Variants in ESR1 observed in about 807,000 individuals in gnomAD.
ESR1 encodes estrogen receptor.
A neutral mutation model predicts 52.7 loss-of-function variants in ESR1; 12 were observed. That is an observed-to-expected ratio of 0.23 (90% CI 0.15 to 0.37). ESR1 has a LOEUF of 0.37. ESR1 is among the 10% of genes least tolerant of loss of function. ESR1 has a pLI of 1.00. For synonymous variants in ESR1, 305 were observed against 316.8 expected (o/e 0.96, Z 0.39); for missense variants, 584 against 779.7 (o/e 0.75, Z 2.99).
At chr6:152,032,229 A>G (rs1373622062) in intron 5 of ESR1, among the ~76,000 whole-genome samples, 1 of 152,242 alleles carries the variant, frequency 6.6e-6, no homozygotes, top group Non-Finnish European at 1.5e-5. Flanking sequence ...GAAAACTGGC[A>G]CAAGACAGGG....
chr6:151,997,057 T>TCCTA (rs1336111266), intron 4 of ESR1, among the ~76,000 whole-genome samples: 1 of 151,332 alleles, frequency 6.6e-6, no homozygotes, highest in Non-Finnish European at 1.5e-5. Flanking sequence ...TAAGTAGACT[T>TCCTA]CCTAGTCCTG....
intron 4 of ESR1, among the ~76,000 whole-genome samples, chr6:151,964,017 C>T (rs2982689): frequency 0.81 from 123,281 of 152,092 alleles, 50,303 homozygotes; most frequent in Middle Eastern, 0.9. Flanking sequence ...CTAATCTGTT[C>T]CATTAATTCA....
At chr6:152,009,361 A>G (rs1229420856) in intron 4 of ESR1, among the ~76,000 whole-genome samples, 1 of 152,120 alleles carries the variant, frequency 6.6e-6, no homozygotes, top group East Asian at 1.9e-4. Flanking sequence ...TGATGGAATC[A>G]TGCATCTTGT....
chr6:152,021,839 A>G (rs549571961), intron 5 of ESR1, among the ~76,000 whole-genome samples: 6 of 152,216 alleles, frequency 3.9e-5, no homozygotes, highest in Admixed American at 3.3e-4. Flanking sequence ...TGATGGTTTT[A>G]TAAGGGGTTT....
At chr6:151,886,107 T>G (rs531599480) in intron 3 of ESR1, among the ~76,000 whole-genome samples, 1 of 152,274 alleles carries the variant, frequency 6.6e-6, no homozygotes, top group Admixed American at 6.5e-5. Context: ...TATAAATTTC[T>G]AATTTCTTTG....
At chr6:152,008,860 T>C (rs987344160) in intron 4 of ESR1, among the ~76,000 whole-genome samples, 2 of 152,044 alleles carry the variant, frequency 1.3e-5, no homozygotes, top group African/African-American at 4.8e-5. Context: ...AGACTTAACC[T>C]AAAAAATTGG....
At chr6:151,750,297 G>C (rs1359325223) in intron 2 of ESR1, among the ~76,000 whole-genome samples, 1 of 152,128 alleles carries the variant, frequency 6.6e-6, no homozygotes, top group African/African-American at 2.4e-5. Flanking sequence ...AAAGTTATTT[G>C]TGTTACTGTC....
chr6:151,804,805 G>A (rs983665296), upstream of ESR1: 1 of 152,200 alleles, frequency 6.6e-6, no homozygotes, highest in African/African-American at 2.4e-5. Flanking sequence ...CCTCCATTGG[G>A]TGTCATGTGT....
intron 2 of ESR1, among the ~76,000 whole-genome samples, chr6:151,850,028 T>TTATA (rs528956459): frequency 7.1e-5 from 8 of 112,802 alleles, no homozygotes; most frequent in African/African-American, 2.4e-4. Context: ...ATATACAAAA[T>TTATA]TATATATATA....
intron 5 of ESR1, among the ~76,000 whole-genome samples, chr6:152,058,125 C>T (rs750571225): frequency 6.6e-6 from 1 of 152,082 alleles, no homozygotes; most frequent in Non-Finnish European, 1.5e-5. Flanking sequence ...TCTATTTTGG[C>T]TATGAGTTGT....
chr6:151,877,286 C>T (rs1792009107), intron 2 of ESR1, among the ~76,000 whole-genome samples: 2 of 152,060 alleles, frequency 1.3e-5, no homozygotes, highest in Admixed American at 1.3e-4. Context: ...TTTAATAACA[C>T]ATATTGACCA....
intron 2 of ESR1, among the ~76,000 whole-genome samples, chr6:151,718,125 A>G (rs1274111081): frequency 1.3e-5 from 2 of 152,248 alleles, no homozygotes; most frequent in African/African-American, 2.4e-5. Flanking sequence ...TATTTGAAAA[A>G]TATATGAAAA....
chr6:152,082,509 C>T (rs10872682), intron 6 of ESR1, among the ~76,000 whole-genome samples: 32,092 of 152,100 alleles, frequency 0.21, 4,776 homozygotes, highest in African/African-American at 0.41. Flanking sequence ...CAATATCATA[C>T]TGAATGGGCA....
chr6:151,974,609 C>T (rs1584576849), intron 4 of ESR1, among the ~76,000 whole-genome samples: 1 of 152,194 alleles, frequency 6.6e-6, no homozygotes, highest in African/African-American at 2.4e-5. Flanking sequence ...AGGAATAATA[C>T]TAGGACTTGC....
intron 2 of ESR1, among the ~76,000 whole-genome samples, chr6:151,751,743 A>C (rs1783917356): frequency 2.6e-5 from 4 of 152,172 alleles, no homozygotes; most frequent in African/African-American, 7.2e-5. Flanking sequence ...TGAGACATAG[A>C]TATAACTTGG....
At chr6:152,114,698 G>C (rs2747651) in intron 6 of ESR1, among the ~76,000 whole-genome samples, 80,350 of 150,570 alleles carry the variant, frequency 0.53, 21,709 homozygotes, top group East Asian at 0.56. Flanking sequence ...GAGACCATCC[G>C]GGCTAAAACG....
intron 5 of ESR1, among the ~76,000 whole-genome samples, chr6:152,021,735 C>CGTGTTGTG (rs1409872206): frequency 6.6e-6 from 1 of 152,102 alleles, no homozygotes; most frequent in Non-Finnish European, 1.5e-5. Flanking sequence ...ATACTTCCCA[C>CGTGTTGTG]GTGTTGTGGG....
At chr6:151,950,599 A>G (rs1313388963) in intron 4 of ESR1, among the ~76,000 whole-genome samples, 1 of 152,196 alleles carries the variant, frequency 6.6e-6, no homozygotes, top group African/African-American at 2.4e-5. Flanking sequence ...TTAGACATAG[A>G]AACAGACATG....
At chr6:151,838,375 C>T (rs1783728599) in intron 1 of ESR1, among the ~76,000 whole-genome samples, 1 of 152,172 alleles carries the variant, frequency 6.6e-6, no homozygotes, top group African/African-American at 2.4e-5. Flanking sequence ...TACCTAGGCC[C>T]ATCTGCTGGG....
Sources: allele counts gnomAD v4.1 joint callset (sites outside exome capture counted in the v4.1 genomes callset), GRCh38; gene constraint gnomAD v4.1.1; transcripts MANE v1.5; gene names NCBI Gene and HGNC (gene_info 2026-07-23, HGNC 2026-07-21).